The following ATRN variants were observed in gnomAD, a reference collection of about 807,000 sequenced individuals.
ATRN encodes the protein attractin-2.
Under a neutral mutation model 178.7 loss-of-function variants are expected in ATRN, and 54 were observed. The ratio of observed to expected loss-of-function variants is 0.30; its 90% CI spans 0.24 to 0.38. The LOEUF is 0.38. Ranked by LOEUF, ATRN falls within the 10% of genes least tolerant of loss-of-function variation. The pLI, the probability that ATRN is intolerant of heterozygous loss-of-function variation, is 1.00. For missense variants in ATRN, 1,443 were observed against 1,815.1 expected, an observed-to-expected ratio of 0.79 and a Z score of 3.73; for synonymous variants, 636 against 663.0, an observed-to-expected ratio of 0.96 and a Z score of 0.63.
chr20:3,473,443 G>A (rs1397939345), intron 1 of ATRN, among the ~76,000 whole-genome samples: 1 of 152,192 alleles, frequency 6.6e-6, no homozygotes, highest in African/African-American at 2.4e-5. Flanking sequence ...AGAGCAAAGG[G>A]GAGCTTGGCA....
At chr20:3,474,545 A>G (rs1472918746) in intron 1 of ATRN, among the ~76,000 whole-genome samples, 2 of 151,604 alleles carry the variant, frequency 1.3e-5, no homozygotes, top group Non-Finnish European at 2.9e-5. Context: ...GTCTCCACTA[A>G]AAATACAAAA....
rs1170053390 is a variant in ATRN, at chr20:3,578,745, G to T, written c.2517G>T (p.Leu839=). The T allele has an allele frequency of 1.2e-6, 2 of 1,613,148 alleles. No homozygotes were observed. Residue 839 remains leucine, a synonymous_variant, in exon 15 of 29, where the codon CTG becomes CTT. Coordinates refer to ENST00000262919, the MANE Select transcript of ATRN (RefSeq NM_139321.3). ...QKKVEFVLKQ[L]RIMQSSQSMS... ...AGGTAGAATTTGTCCTTAAGCAGCT[G>T]CGAATAATGCAGTCATCTCAGAGCA...
chr20:3,642,962 A>G (rs2087080696), intron 27 of ATRN, among the ~76,000 whole-genome samples: 1 of 152,170 alleles, frequency 6.6e-6, no homozygotes, highest in African/African-American at 2.4e-5. Flanking sequence ...TGGCCACAGA[A>G]GTTTTTTTGT....
chr20:3,487,993 G>A lies in ATRN; in HGVS notation c.410+16476G>A, dbSNP rs117736518. On this transcript the variant is annotated intron_variant, in intron 1 of 28. Coordinates refer to ENST00000262919, the MANE Select transcript of ATRN (RefSeq NM_139321.3). The stretch of plus-strand genomic sequence containing the variant: ...CTAGGCCTCAGTGTCTTCCTTTTGA[G>A]CATTTAGATCCAGATTATTTTATAG... Among the ~76,000 whole-genome samples, 97 of 152,236 alleles carry A rather than the reference G, an allele frequency of 6.4e-4. 2 individuals are homozygous for A. The East Asian group carries it at 0.015, about 24-fold the overall frequency.
chr20:3,498,662 A>G (rs1195544353), intron 1 of ATRN, among the ~76,000 whole-genome samples: 1 of 152,196 alleles, frequency 6.6e-6, no homozygotes, highest in African/African-American at 2.4e-5. Flanking sequence ...TCAGTAAATT[A>G]GGTATTGATG....
At chr20:3,486,682 A>G (rs1458611219) in intron 1 of ATRN, among the ~76,000 whole-genome samples, 2 of 152,058 alleles carry the variant, frequency 1.3e-5, no homozygotes, top group Non-Finnish European at 2.9e-5. Flanking sequence ...ACACCAAACC[A>G]TTCTGGTTTT....
Position 3,471,120 on chromosome 20 carries a change from G to T in ATRN, c.13G>T (p.Ala5Ser). The change falls in exon 1 of 29, where the codon GCG (alanine) becomes TCG (serine). Residue 5 changes from alanine (A) to serine (S), a missense_variant. By Grantham distance (99) the Ala-to-Ser change is moderately conservative. Around this residue, in one of 4 missense-constraint regions of ATRN, gnomAD observed 862 missense variants for 972.1 expected, o/e 0.89. Coordinates refer to ENST00000262919, the MANE Select transcript of ATRN (RefSeq NM_139321.3). MVAA[A>S]AATEARLRRR... ...CAGCCCCGGGAAGATGGTGGCTGCA[G>T]CGGCGGCAACTGAGGCAAGGCTGAG... is the stretch of plus-strand genomic sequence containing the variant. 6 of 1,511,392 alleles carry T rather than the reference G, an allele frequency of 4.0e-6. No individual in the cohort carries two copies. Among genetic ancestry groups the T allele is most frequent in the Non-Finnish European group, 4.4e-6 (5 of 1,136,564 alleles). 93.6% of individuals were successfully genotyped at this position (1,511,392 alleles called of 1,614,324 possible). A position where few individuals can be genotyped will look rare whatever the true frequency, so the allele number is the denominator to read the frequency against.
At chr20:3,594,431 G>C in intron 19 of ATRN, 48 bp from the exon 20 acceptor site, 1 of 1,506,534 alleles carries the variant, frequency 6.6e-7, no homozygotes, top group East Asian at 2.3e-5. Flanking sequence ...CCAATAGTCA[G>C]AATTTTTTAA....
At chr20:3,603,813 T>C (rs2086644156) in intron 23 of ATRN, among the ~76,000 whole-genome samples, 1 of 152,148 alleles carries the variant, frequency 6.6e-6, no homozygotes, top group Non-Finnish European at 1.5e-5. Flanking sequence ...GTTAGGGGCA[T>C]AGGCTTGTAT....
At chr20:3,625,263 A>G (rs367565708) in intron 25 of ATRN, among the ~76,000 whole-genome samples, 49 of 152,284 alleles carry the variant, frequency 3.2e-4, no homozygotes, top group East Asian at 2.1e-3. Flanking sequence ...ACTGTGTTAC[A>G]TGGCCTCCCC....
At chr20:3,644,123 C>CACTTAAGGTAATTTTGTT in intron 27 of ATRN, 31 bp from the exon 28 acceptor site, 1 of 1,494,122 alleles carries the variant, frequency 6.7e-7, no homozygotes, top group Non-Finnish European at 9.3e-7. Context: ...GCTTGAGTAT[C>CACTTAAGGTAATTTTGTT]ACTTAAGGTA....
intron 1 of ATRN, among the ~76,000 whole-genome samples, chr20:3,531,259 G>A (rs776220240): frequency 6.6e-5 from 10 of 152,230 alleles, no homozygotes; most frequent in Non-Finnish European, 1.3e-4. Context: ...CTAGTGCTGA[G>A]AGGATGTGGG....
intron 18 of ATRN, among the ~76,000 whole-genome samples, chr20:3,588,611 T>C (rs2086391119): frequency 6.6e-6 from 1 of 152,228 alleles, no homozygotes; most frequent in Non-Finnish European, 1.5e-5. Context: ...ATTTTGTGTG[T>C]ACATTCATGA....
intron 18 of ATRN, among the ~76,000 whole-genome samples, chr20:3,585,477 C>A (rs1190361420): frequency 1.3e-5 from 2 of 152,164 alleles, no homozygotes; most frequent in Non-Finnish European, 2.9e-5. Flanking sequence ...AAAATGTAAA[C>A]TAACACCAGG....
chr20:3,488,155 C>T (rs539659662), intron 1 of ATRN, among the ~76,000 whole-genome samples: 1 of 152,040 alleles, frequency 6.6e-6, no homozygotes, highest in Non-Finnish European at 1.5e-5. Flanking sequence ...TTTTCAGGTT[C>T]AGCTGGCAGT....
At chr20:3,624,412 A>G (rs235519) in intron 24 of ATRN, 99 bp from the exon 25 acceptor site, 183,283 of 1,103,280 alleles carry the variant, frequency 0.17, 16,486 homozygotes, top group Non-Finnish European at 0.18. Flanking sequence ...CTTCTTTAAA[A>G]TGTAAGCTCT....
chr20:3,599,833 C>A (rs1213611960), intron 22 of ATRN, among the ~76,000 whole-genome samples: 1 of 152,116 alleles, frequency 6.6e-6, no homozygotes, highest in Non-Finnish European at 1.5e-5. Flanking sequence ...CTTGAGCTGT[C>A]CTTTCAAGAT....
chr20:3,587,477 A>G (rs990643758), intron 18 of ATRN, among the ~76,000 whole-genome samples: 35 of 147,892 alleles, frequency 2.4e-4, no homozygotes, highest in Admixed American at 4.7e-4. Flanking sequence ...TGTTGAAAAG[A>G]TTTTTTTTTT....
In ATRN at chr20:3,495,767, G is replaced by GA. The variant is rs894435615; in HGVS notation, c.410+24260dup. Reference sequence around the variant, plus strand: ...TGTGGGGGAGAATATATTGTTAAATGAAAAAAAAAACAAAACCCACTGTAG... The same window carrying GA: ...TGTGGGGGAGAATATATTGTTAAATGAAAAAAAAAAACAAAACCCACTGTAG... On this transcript the variant is annotated intron_variant, in intron 1 of 28. Coordinates refer to ENST00000262919, the MANE Select transcript of ATRN (RefSeq NM_139321.3). Among the ~76,000 whole-genome samples the GA allele has an allele frequency of 3.4e-3, 492 of 142,816 alleles. 2 individuals carry two copies. Among genetic ancestry groups the GA allele is most frequent in the Admixed American group, 4.9e-3 (70 of 14,316 alleles). The allele number at this position is 142,816 out of a possible 152,430, so 93.7% of individuals were successfully genotyped here. A position where few individuals can be genotyped will look rare whatever the true frequency, so the allele number is the denominator to read the frequency against.
Sources: gnomAD v4.1 joint callset for allele counts (sites outside exome capture counted in the v4.1 genomes callset) on GRCh38, gnomAD v4.1.1 for gene constraint, gnomAD v4.1.1 regional missense constraint, MANE v1.5 for transcripts, NCBI Gene and HGNC (gene_info 2026-07-23, HGNC 2026-07-21) for gene names.